Variants in ITPR2 observed in about 807,000 individuals in gnomAD.
ITPR2 encodes inositol 1,4,5-trisphosphate receptor type 2.
ITPR2 carries 207 observed loss-of-function variants against 317.1 expected under a neutral mutation model. The observed-to-expected ratio is 0.65, with a 90% confidence interval of 0.58 to 0.73. The LOEUF is 0.73. ITPR2 is among the 30% of genes least tolerant of loss of function. The pLI is 0.00. For synonymous variants in ITPR2, 1,156 were observed against 1,149.1 expected, an observed-to-expected ratio of 1.01 and a Z score of -0.12; for missense variants, 2,613 against 3,284.0, an observed-to-expected ratio of 0.80 and a Z score of 4.99.
intron 20 of ITPR2, 76 bp downstream of exon 20, chr12:26,655,632 A>AAAAAAT (rs1947353779): frequency 8.4e-7 from 1 of 1,185,776 alleles, no homozygotes; most frequent in African/African-American, 1.5e-5. Context: ...AAAAAAAAAA[A>AAAAAAT]GCAGAGAAAA....
At chr12:26,428,191 A>G in intron 48 of ITPR2, 103 bp from the exon 49 acceptor site, 1 of 790,240 alleles carries the variant, frequency 1.3e-6, no homozygotes, top group Non-Finnish European at 1.8e-6. Flanking sequence ...CAAAGCCATA[A>G]TCCAGTAAAT....
intron 48 of ITPR2, among the ~76,000 whole-genome samples, chr12:26,434,849 T>C (rs1161925991): frequency 6.6e-6 from 1 of 152,208 alleles, no homozygotes; most frequent in Non-Finnish European, 1.5e-5. Flanking sequence ...ATGATATTGA[T>C]TTATCATTCA....
intron 2 of ITPR2, among the ~76,000 whole-genome samples, chr12:26,785,515 A>G (rs1950217921): frequency 2.7e-5 from 1 of 37,380 alleles, no homozygotes; most frequent in African/African-American, 8.3e-5. Context: ...GGAAGTGAGG[A>G]CCCCTCTGCC....
At chr12:26,440,613 C>A in intron 46 of ITPR2, among the ~76,000 whole-genome samples, 1 of 151,982 alleles carries the variant, frequency 6.6e-6, no homozygotes, top group East Asian at 1.9e-4. Context: ...TGTCATAAAG[C>A]AAACTACATG....
At chr12:26,770,833 C>A (rs1253798335) in intron 2 of ITPR2, among the ~76,000 whole-genome samples, 2 of 152,154 alleles carry the variant, frequency 1.3e-5, no homozygotes, top group South Asian at 2.1e-4. Flanking sequence ...AAAACAACAG[C>A]AATTTACACT....
chr12:26,519,190 A>C, intron 37 of ITPR2, among the ~76,000 whole-genome samples: 2 of 152,318 alleles, frequency 1.3e-5, no homozygotes, highest in South Asian at 4.1e-4. Flanking sequence ...TGAAATAAAT[A>C]AAAAACTAAC....
intron 2 of ITPR2, among the ~76,000 whole-genome samples, chr12:26,754,027 G>A (rs1048741604): frequency 3.3e-5 from 5 of 152,258 alleles, no homozygotes; most frequent in Admixed American, 3.3e-4. Flanking sequence ...TGTGTGTGAT[G>A]TTTATATATG....
At chr12:26,772,072 T>A (rs141994021) in intron 2 of ITPR2, among the ~76,000 whole-genome samples, 1 of 152,016 alleles carries the variant, frequency 6.6e-6, no homozygotes, top group African/African-American at 2.4e-5. Flanking sequence ...ACCGAACGGA[T>A]TGGGGTAAAG....
At chr12:26,566,271 G>A (rs1227155917) in intron 34 of ITPR2, among the ~76,000 whole-genome samples, 1 of 138,752 alleles carries the variant, frequency 7.2e-6, no homozygotes, top group Non-Finnish European at 1.6e-5. Context: ...AGAGGAGAAG[G>A]AGAGGAGAGG....
intron 45 of ITPR2, among the ~76,000 whole-genome samples, chr12:26,450,563 G>T (rs1367370306): frequency 1.3e-5 from 2 of 152,200 alleles, no homozygotes; most frequent in Non-Finnish European, 2.9e-5. Flanking sequence ...TTTCCCACAT[G>T]AGACTCAACT....
chr12:26,714,984 C>G (rs1948710940), intron 8 of ITPR2, among the ~76,000 whole-genome samples: 1 of 152,118 alleles, frequency 6.6e-6, no homozygotes, highest in African/African-American at 2.4e-5. Context: ...GGTCTTCAGT[C>G]TAACTAGTCT....
In ITPR2 at chr12:26,597,804, T is replaced by C. The variant is rs781448164; in HGVS notation, c.4003-670A>G. On this transcript the variant is annotated intron_variant, in intron 30 of 56. Coordinates refer to ENST00000381340, the MANE Select transcript of ITPR2 (RefSeq NM_002223.4). ...TGGCAGTTTTATTGTTCAAGCTCCA[T>C]AGTATCTTATTGTCTATTATCAGTA... Among the ~76,000 whole-genome samples the C allele has an allele frequency of 3.3e-5, 5 of 152,192 alleles. No homozygotes were observed. The South Asian group carries it at 1.0e-3, about 31-fold the overall frequency.
intron 52 of ITPR2, among the ~76,000 whole-genome samples, chr12:26,401,952 C>T (rs1221209664): frequency 6.6e-6 from 1 of 152,194 alleles, no homozygotes; most frequent in African/African-American, 2.4e-5. Context: ...TTGGCAGAAT[C>T]TGTGCTTGGT....
intron 55 of ITPR2, among the ~76,000 whole-genome samples, chr12:26,372,289 T>C (rs1318996369): frequency 6.6e-6 from 1 of 152,228 alleles, no homozygotes; most frequent in African/African-American, 2.4e-5. Context: ...CCCTAGATCA[T>C]GGTAGGCACT....
intron 52 of ITPR2, among the ~76,000 whole-genome samples, chr12:26,401,453 G>A (rs912634784): frequency 2.0e-5 from 3 of 152,162 alleles, no homozygotes; most frequent in Non-Finnish European, 4.4e-5. Flanking sequence ...AAGACATAAT[G>A]TGACAGAAAA....
chr12:26,582,398 T>C (rs1238684053), intron 32 of ITPR2, among the ~76,000 whole-genome samples: 3 of 152,224 alleles, frequency 2.0e-5, no homozygotes, highest in African/African-American at 7.2e-5. Context: ...AAAGTTTTAA[T>C]CCATTTGCAC....
chr12:26,775,819 T>C (rs899221411), intron 2 of ITPR2, among the ~76,000 whole-genome samples: 2 of 151,570 alleles, frequency 1.3e-5, no homozygotes, highest in African/African-American at 4.8e-5. Context: ...CATTGGACTC[T>C]AAGTTCTTCA....
chr12:26,772,491 C>CATGTATTCTATATATAATAT (rs3064583), intron 2 of ITPR2, among the ~76,000 whole-genome samples: 1 of 100,506 alleles, frequency 9.9e-6, no homozygotes, highest in Non-Finnish European at 2.1e-5. Context: ...ATATATAATA[C>CATGTATTCTATATATAATAT]ATATAATACA....
chr12:26,400,560 G>T (rs1254637108), intron 52 of ITPR2: 4 of 158,584 alleles, frequency 2.5e-5, no homozygotes, highest in Non-Finnish European at 5.5e-5. Flanking sequence ...ACTTTTGGAA[G>T]TCACACAGCA....
Sources: allele counts gnomAD v4.1 joint callset (sites outside exome capture counted in the v4.1 genomes callset), GRCh38; gene constraint gnomAD v4.1.1; transcripts MANE v1.5; gene names NCBI Gene and HGNC (gene_info 2026-07-23, HGNC 2026-07-21).